PBX1: variants seen among roughly 807,000 people sequenced by gnomAD.
PBX1 encodes PBX homeobox 1.
Under a neutral mutation model 53.4 loss-of-function variants are expected in PBX1, and 6 were observed. The observed-to-expected ratio is 0.11, with a 90% CI of 0.06 to 0.22. The LOEUF is 0.22. PBX1 is among the 10% of genes least tolerant of loss of function. PBX1 has a pLI of 1.00. For synonymous variants in PBX1, 204 were observed against 212.3 expected (o/e 0.96, Z 0.34); for missense variants, 251 against 551.4 (o/e 0.46, Z 5.46).
chr1:164,702,084 G>T (rs1295711868), intron 2 of PBX1, among the ~76,000 whole-genome samples: 1 of 152,152 alleles, frequency 6.6e-6, no homozygotes, highest in Admixed American at 6.5e-5. Flanking sequence ...TTGTTAAAAG[G>T]TATAGCTTGT....
chr1:164,690,825 C>T (rs1349732512), intron 2 of PBX1, among the ~76,000 whole-genome samples: 1 of 151,614 alleles, frequency 6.6e-6, no homozygotes, highest in Non-Finnish European at 1.5e-5. Context: ...TCTGACAACA[C>T]AGGTAGACTA....
intron 2 of PBX1, among the ~76,000 whole-genome samples, chr1:164,735,931 A>G (rs1271996027): frequency 6.6e-6 from 1 of 152,180 alleles, no homozygotes; most frequent in Admixed American, 6.5e-5. Context: ...ACTACAGGCC[A>G]CAGGCTGCCG....
At chr1:164,644,121 G>T (rs1430838652) in intron 2 of PBX1, among the ~76,000 whole-genome samples, 2 of 152,126 alleles carry the variant, frequency 1.3e-5, no homozygotes, top group Admixed American at 6.5e-5. Context: ...TTTACTTTTG[G>T]CATCATGCTT....
At chr1:164,693,172 G>A (rs972501518) in intron 2 of PBX1, among the ~76,000 whole-genome samples, 2 of 152,194 alleles carry the variant, frequency 1.3e-5, no homozygotes, top group African/African-American at 2.4e-5. Flanking sequence ...AGCAACAGCA[G>A]AGCAGAGCAG....
intron 2 of PBX1, among the ~76,000 whole-genome samples, chr1:164,746,145 G>C (rs1031851929): frequency 6.6e-6 from 1 of 152,212 alleles, no homozygotes; most frequent in African/African-American, 2.4e-5. Context: ...AGAAAAGTCA[G>C]CTTTTAAGTT....
At chr1:164,598,335 C>G (rs975139504) in intron 2 of PBX1, among the ~76,000 whole-genome samples, 1 of 151,912 alleles carries the variant, frequency 6.6e-6, no homozygotes, top group Admixed American at 6.6e-5. Flanking sequence ...CCCTCCCTTC[C>G]TAGAGGGTGG....
intron 2 of PBX1, among the ~76,000 whole-genome samples, chr1:164,612,450 C>T (rs1358965485): frequency 1.3e-5 from 2 of 152,152 alleles, no homozygotes; most frequent in East Asian, 3.9e-4. Context: ...AGCCACCTCT[C>T]GTAGCTCTGG....
chr1:164,741,045 T>C (rs1557978251), intron 2 of PBX1, among the ~76,000 whole-genome samples: 1 of 152,234 alleles, frequency 6.6e-6, no homozygotes, highest in Non-Finnish European at 1.5e-5. Context: ...AAAGGTTTTA[T>C]TTAGTAATTG....
At chr1:164,803,671 T>G (rs1669195826) in intron 4 of PBX1, among the ~76,000 whole-genome samples, 1 of 152,178 alleles carries the variant, frequency 6.6e-6, no homozygotes. Flanking sequence ...TGTGTAGGAT[T>G]GAGGGGAAAT....
chr1:164,844,132 T>TA (rs1671444462), intron 8 of PBX1, among the ~76,000 whole-genome samples: 2 of 147,050 alleles, frequency 1.4e-5, no homozygotes, highest in African/African-American at 2.5e-5. Flanking sequence ...TTTTTTTTTT[T>TA]ACCAGAATTT....
At chr1:164,701,147 T>TC (rs1663097313) in intron 2 of PBX1, among the ~76,000 whole-genome samples, 2 of 152,128 alleles carry the variant, frequency 1.3e-5, no homozygotes, top group Admixed American at 1.3e-4. Flanking sequence ...CATTTTTTTT[T>TC]CCCCTGCTAG....
chr1:164,664,305 A>C (rs1660679925), intron 2 of PBX1, among the ~76,000 whole-genome samples: 1 of 152,128 alleles, frequency 6.6e-6, no homozygotes, highest in Non-Finnish European at 1.5e-5. Flanking sequence ...CTGTAAGATG[A>C]GGGAGTTTTT....
intron 8 of PBX1, among the ~76,000 whole-genome samples, chr1:164,838,199 G>A (rs943244950): frequency 2.0e-5 from 3 of 152,158 alleles, no homozygotes; most frequent in Non-Finnish European, 4.4e-5. Flanking sequence ...TAACAAGAGA[G>A]TTTGTTTTCA....
intron 2 of PBX1, among the ~76,000 whole-genome samples, chr1:164,667,927 G>A (rs6700768): frequency 0.033 from 5,048 of 152,188 alleles, 117 homozygotes; most frequent in Admixed American, 0.057. Context: ...AGTGAGCTAC[G>A]GGAGGTCAGC....
intron 2 of PBX1, chr1:164,683,375 C>G (rs1178733890): frequency 1.3e-5 from 2 of 152,200 alleles, no homozygotes; most frequent in African/African-American, 2.4e-5. Flanking sequence ...CCCAGCGATT[C>G]TTCTAACAGG....
chr1:164,827,045 T>G (rs962588871), intron 8 of PBX1, among the ~76,000 whole-genome samples: 7 of 152,200 alleles, frequency 4.6e-5, no homozygotes, highest in Non-Finnish European at 1.0e-4. Context: ...AAATAGTATA[T>G]AAATCATTAG....
chr1:164,814,216 A>G (rs190442895), intron 6 of PBX1: 1 of 152,244 alleles, frequency 6.6e-6, no homozygotes, highest in East Asian at 1.9e-4. Context: ...AAAATGTTCA[A>G]ACTTTTCACA....
chr1:164,560,232 TTGTG>T (rs146379931), intron 1 of PBX1: 3 of 460,146 alleles, frequency 6.5e-6, no homozygotes, highest in East Asian at 7.1e-5. Context: ...GTGTACATAT[TTGTG>T]TGTGTGTGTG....
intron 2 of PBX1, among the ~76,000 whole-genome samples, chr1:164,781,817 G>A (rs950224581): frequency 1.3e-5 from 2 of 152,028 alleles, no homozygotes; most frequent in Non-Finnish European, 2.9e-5. Context: ...CTTTTTGCCA[G>A]GAGTTCCCCA....
Sources: gnomAD v4.1 joint callset for allele counts (sites outside exome capture counted in the v4.1 genomes callset) on GRCh38, gnomAD v4.1.1 for gene constraint, MANE v1.5 for transcripts, NCBI Gene and HGNC (gene_info 2026-07-23, HGNC 2026-07-21) for gene names.